ANGPT1: variants seen among roughly 807,000 people sequenced by gnomAD.
ANGPT1 encodes the protein angiopoietin-1.
In ANGPT1, 17 loss-of-function variants were observed where a neutral mutation model predicts 62.2. The ratio of observed to expected loss-of-function variants is 0.27; its 90% CI spans 0.19 to 0.41. ANGPT1 has a LOEUF of 0.41. Ranked by LOEUF, ANGPT1 falls within the 10% of genes least tolerant of loss-of-function variation. ANGPT1 has a pLI of 1.00. For synonymous variants in ANGPT1, 199 were observed against 198.9 expected, an observed-to-expected ratio of 1.00 and a Z score of 0.00; for missense variants, 478 against 594.9, an observed-to-expected ratio of 0.80 and a Z score of 2.04.
At chr8:107,394,059 G>A (rs1247289911) in intron 1 of ANGPT1, among the ~76,000 whole-genome samples, 3 of 152,120 alleles carry the variant, frequency 2.0e-5, no homozygotes, top group African/African-American at 7.2e-5. Flanking sequence ...AAATGATACA[G>A]GTTTATAGAT....
chr8:107,398,500 A>ATTTT (rs10556477), intron 1 of ANGPT1, among the ~76,000 whole-genome samples: 9 of 132,762 alleles, frequency 6.8e-5, no homozygotes, highest in Admixed American at 1.6e-4. Flanking sequence ...TTTCTTTTCT[A>ATTTT]TTTTTTTTTT....
chr8:107,285,672 A>G (rs569370913), intron 6 of ANGPT1, among the ~76,000 whole-genome samples: 207 of 152,204 alleles, frequency 1.4e-3, no homozygotes, highest in Non-Finnish European at 2.4e-3. Flanking sequence ...AGTGGTCCCA[A>G]AAGAAAGCCA....
intron 1 of ANGPT1, among the ~76,000 whole-genome samples, chr8:107,446,388 C>A (rs1350820481): frequency 6.6e-6 from 1 of 152,112 alleles, no homozygotes; most frequent in Non-Finnish European, 1.5e-5. Context: ...GACAATAGCC[C>A]CATGTGGCTA....
intron 7 of ANGPT1, among the ~76,000 whole-genome samples, chr8:107,280,771 C>T (rs1302238304): frequency 6.6e-6 from 1 of 152,022 alleles, no homozygotes; most frequent in Admixed American, 6.6e-5. Context: ...TAGACTTTTA[C>T]CTGCAGATAT....
chr8:107,304,739 T>C (rs931369694), intron 4 of ANGPT1, among the ~76,000 whole-genome samples: 2 of 151,872 alleles, frequency 1.3e-5, no homozygotes, highest in African/African-American at 4.8e-5. Context: ...TTATGTCAGA[T>C]ATGTTGCCAC....
At chr8:107,461,456 G>GTCAGGATAC (rs1004668749) in intron 1 of ANGPT1, among the ~76,000 whole-genome samples, 1 of 152,062 alleles carries the variant, frequency 6.6e-6, no homozygotes, top group African/African-American at 2.4e-5. Flanking sequence ...ATTTGTCCAA[G>GTCAGGATAC]TCAGGATACT....
chr8:107,485,565 G>A (rs1033646620), intron 1 of ANGPT1, among the ~76,000 whole-genome samples: 3 of 152,168 alleles, frequency 2.0e-5, no homozygotes, highest in Non-Finnish European at 4.4e-5. Flanking sequence ...AAGTAGCAGT[G>A]TTCTTGGCTT....
At chr8:107,443,624 C>A (rs1166050209) in intron 1 of ANGPT1, among the ~76,000 whole-genome samples, 1 of 147,074 alleles carries the variant, frequency 6.8e-6, no homozygotes. Flanking sequence ...GCCTGACCAA[C>A]ATGGAGAAAT....
intron 1 of ANGPT1, among the ~76,000 whole-genome samples, chr8:107,433,100 A>G (rs2130410577): frequency 6.6e-6 from 1 of 152,286 alleles, no homozygotes; most frequent in East Asian, 1.9e-4. Flanking sequence ...CTTTTTAAGC[A>G]TTTAACTTTC....
intron 1 of ANGPT1, among the ~76,000 whole-genome samples, chr8:107,363,143 C>T (rs1816202619): frequency 6.8e-6 from 1 of 146,178 alleles, no homozygotes; most frequent in African/African-American, 2.5e-5. Context: ...AGGTCTTTTA[C>T]TTCTGTGAGA....
chr8:107,253,591 C>A (rs1813293965), intron 8 of ANGPT1, among the ~76,000 whole-genome samples: 1 of 152,144 alleles, frequency 6.6e-6, no homozygotes, highest in South Asian at 2.1e-4. Flanking sequence ...GTCTCTCAAG[C>A]AAACACACTT....
intron 1 of ANGPT1, among the ~76,000 whole-genome samples, chr8:107,437,264 T>C (rs192447850): frequency 6.6e-6 from 1 of 152,214 alleles, no homozygotes; most frequent in Non-Finnish European, 1.5e-5. Context: ...AGTACCTGAT[T>C]TGAAGAATGT....
intron 1 of ANGPT1, among the ~76,000 whole-genome samples, chr8:107,399,104 G>A (rs1351306749): frequency 1.3e-5 from 2 of 152,140 alleles, no homozygotes; most frequent in African/African-American, 4.8e-5. Flanking sequence ...TGGTAATAGT[G>A]TCACAATCGG....
intron 4 of ANGPT1, among the ~76,000 whole-genome samples, chr8:107,309,633 C>T (rs1340913531): frequency 6.6e-6 from 1 of 152,094 alleles, no homozygotes; most frequent in African/African-American, 2.4e-5. Context: ...GGGATATTTA[C>T]CAATGACTTT....
At chr8:107,304,238 T>C (rs1348423057) in intron 4 of ANGPT1, among the ~76,000 whole-genome samples, 2 of 151,772 alleles carry the variant, frequency 1.3e-5, no homozygotes, top group Non-Finnish European at 2.9e-5. Context: ...TTATCCATTA[T>C]TAACTTCTTA....
chr8:107,306,734 C>T (rs559822857), intron 4 of ANGPT1, among the ~76,000 whole-genome samples: 3 of 151,954 alleles, frequency 2.0e-5, no homozygotes, highest in South Asian at 2.1e-4. Flanking sequence ...GTAAATGACA[C>T]GAGACAGATA....
Position 107,407,188 on chromosome 8 carries a change from C to G in ANGPT1, c.298-60091G>C, listed in dbSNP as rs948594787. On this transcript the variant is annotated intron_variant, in intron 1 of 8. Coordinates refer to ENST00000517746, the MANE Select transcript of ANGPT1 (RefSeq NM_001146.5). ...TTTTATTTAAATGAATGAGATTGTTCTATGTTTAATTCATGATACAAGCAT... is the reference window on the plus strand; with the variant it reads ...TTTTATTTAAATGAATGAGATTGTTGTATGTTTAATTCATGATACAAGCAT... Among the ~76,000 whole-genome samples, 5 of 151,814 alleles carry G rather than the reference C, an allele frequency of 3.3e-5. No individual in the cohort carries two copies. In the East Asian group the frequency reaches 9.7e-4, roughly 29 times the overall value.
At chr8:107,266,628 AT>A (rs1179865375) in intron 7 of ANGPT1, among the ~76,000 whole-genome samples, 3 of 152,084 alleles carry the variant, frequency 2.0e-5, no homozygotes, top group Non-Finnish European at 4.4e-5. Context: ...TTTAACTCTG[AT>A]TTTTTGTTTC....
At chr8:107,422,952 A>G (rs1810930159) in intron 1 of ANGPT1, among the ~76,000 whole-genome samples, 1 of 152,360 alleles carries the variant, frequency 6.6e-6, no homozygotes, top group Admixed American at 6.5e-5. Flanking sequence ...TTCAGGTTGT[A>G]TATAAAGAAG....
Sources: allele counts gnomAD v4.1 joint callset (sites outside exome capture counted in the v4.1 genomes callset), GRCh38; gene constraint gnomAD v4.1.1; transcripts MANE v1.5; gene names NCBI Gene and HGNC (gene_info 2026-07-23, HGNC 2026-07-21).